The following IL7 variants were observed in gnomAD, a reference collection of about 807,000 sequenced individuals.
The protein encoded by IL7 is interleukin-7.
IL7 carries 3 observed loss-of-function variants against 21.6 expected under a neutral mutation model. The ratio of observed to expected loss-of-function variants is 0.14; its 90% CI spans 0.06 to 0.36. The LOEUF (loss-of-function observed/expected upper bound fraction) is 0.36, where lower values mean the gene tolerates loss of function less well. Among genes scored for constraint, IL7 ranks in the 10% least tolerant of loss-of-function variants. The probability of loss-of-function intolerance (pLI) is 1.00; values close to 1 mark genes in which losing one functional copy is unlikely to be tolerated. For synonymous variants in IL7, 62 were observed against 68.1 expected, an observed-to-expected ratio of 0.91 and a Z score of 0.44; for missense variants, 175 against 200.2, an observed-to-expected ratio of 0.87 and a Z score of 0.76.
intron 3 of IL7, among the ~76,000 whole-genome samples, chr8:78,691,946 A>C (rs1004861948): frequency 1.3e-5 from 2 of 152,274 alleles, no homozygotes; most frequent in South Asian, 4.1e-4. Flanking sequence ...ATGGGGTACA[A>C]AGTGATACCA....
chr8:78,738,512 T>C lies in IL7; in HGVS notation c.352A>G (p.Thr118Ala), dbSNP rs765509762. 1 of 1,613,232 alleles carries C rather than the reference T, an allele frequency of 6.2e-7. No individual in the cohort carries two copies. ...SEGTTILLNCTGQVKGRKPAA... is the reference protein window; with the variant it reads ...SEGTTILLNCAGQVKGRKPAA... ...AATAGTCCTTAGCTTACCTGGCCAG[T>C]GCAGTTCAACAGTATTGTTGTGCCT... The change falls in exon 4 of 6, where the codon ACT becomes GCT. Residue 118 changes from threonine (T) to alanine (A), a missense_variant. Transcript: ENST00000263851.
At chr8:78,740,735 T>A (rs549580746) in intron 2 of IL7, among the ~76,000 whole-genome samples, 1 of 152,348 alleles carries the variant, frequency 6.6e-6, no homozygotes, top group African/African-American at 2.4e-5. Context: ...AGAATTAAGG[T>A]TGAAATTTGT....
At chr8:78,775,773 GGATTTC>G (rs1813112888) in intron 2 of IL7, among the ~76,000 whole-genome samples, 1 of 151,986 alleles carries the variant, frequency 6.6e-6, no homozygotes, top group South Asian at 2.1e-4. Context: ...TGTAGTCCTA[GGATTTC>G]ATAAGGTAAC....
intron 3 of IL7, 110 bp downstream of exon 3, chr8:78,739,892 T>A: frequency 1.0e-6 from 1 of 957,734 alleles, no homozygotes; most frequent in Non-Finnish European, 1.4e-6. Flanking sequence ...AATTATGTGA[T>A]CAGGCTGCAA....
chr8:78,720,177 G>A (rs989385326), intron 5 of IL7, among the ~76,000 whole-genome samples: 1 of 151,762 alleles, frequency 6.6e-6, no homozygotes, highest in Non-Finnish European at 1.5e-5. Context: ...AGACATGTTT[G>A]ATTTTTTTCC....
intron 3 of IL7, among the ~76,000 whole-genome samples, chr8:78,693,677 T>G (rs1452884698): frequency 3.3e-5 from 5 of 152,218 alleles, no homozygotes; most frequent in Non-Finnish European, 7.3e-5. Context: ...TCCCATTCTG[T>G]AGGTTGCCTG....
intron 3 of IL7, among the ~76,000 whole-genome samples, chr8:78,701,964 G>T (rs1185173169): frequency 6.6e-6 from 1 of 152,094 alleles, no homozygotes; most frequent in Non-Finnish European, 1.5e-5. Context: ...CCAGGTTTTG[G>T]TATCAGGGTG....
At chr8:78,707,007 TA>T (rs1023878862) in intron 3 of IL7, among the ~76,000 whole-genome samples, 4 of 152,148 alleles carry the variant, frequency 2.6e-5, no homozygotes, top group African/African-American at 7.2e-5. Context: ...AGTTGAAAAG[TA>T]AAAAAATTTT....
intron 2 of IL7, among the ~76,000 whole-genome samples, chr8:78,775,280 A>G (rs1813095448): frequency 6.6e-6 from 1 of 152,132 alleles, no homozygotes; most frequent in South Asian, 2.1e-4. Context: ...ACACTGCATA[A>G]CTATTGAAAA....
intron 2 of IL7, chr8:78,761,331 T>C (rs1812548575): frequency 6.2e-7 from 1 of 1,611,820 alleles, no homozygotes; most frequent in South Asian, 1.1e-5. Context: ...GCCAACCACA[T>C]ATTTAAGGCA....
chr8:78,675,082 T>C (rs1470748755), downstream of IL7, among the ~76,000 whole-genome samples: 1 of 151,704 alleles, frequency 6.6e-6, no homozygotes, highest in Non-Finnish European at 1.5e-5. Flanking sequence ...TTTCTTTTTT[T>C]TTCTTTTTAG....
intron 2 of IL7, among the ~76,000 whole-genome samples, chr8:78,765,002 A>C (rs981441747): frequency 1.3e-4 from 20 of 152,270 alleles, no homozygotes; most frequent in African/African-American, 4.6e-4. Flanking sequence ...AATGGACCAG[A>C]ATATGAGCTG....
chr8:78,697,327 A>C (rs1195591689), intron 3 of IL7: 3 of 1,149,010 alleles, frequency 2.6e-6, no homozygotes, highest in Non-Finnish European at 3.7e-6. Context: ...AAACCCAAAG[A>C]ATGTTAAGTT....
chr8:78,717,405 C>G (rs1489781720), downstream of IL7: 2 of 1,612,020 alleles, frequency 1.2e-6, no homozygotes, highest in African/African-American at 1.3e-5. Context: ...GGAAACTTAC[C>G]AAAATTCTGC....
intron 1 of IL7, among the ~76,000 whole-genome samples, chr8:78,800,899 T>G (rs1814034872): frequency 6.6e-6 from 1 of 152,210 alleles, no homozygotes; most frequent in Non-Finnish European, 1.5e-5. Context: ...AGGTCCACCT[T>G]TTGTTTTAAT....
At chr8:78,797,582 C>T (rs2130843855) in intron 2 of IL7, among the ~76,000 whole-genome samples, 1 of 151,924 alleles carries the variant, frequency 6.6e-6, no homozygotes, top group East Asian at 1.9e-4. Flanking sequence ...AAGCTTTAAC[C>T]ATCAAAAATA....
chr8:78,727,590 T>C (rs928628676), intron 3 of IL7, among the ~76,000 whole-genome samples: 1 of 152,064 alleles, frequency 6.6e-6, no homozygotes, highest in African/African-American at 2.4e-5. Flanking sequence ...TTATGACTAT[T>C]AATTTAGTGC....
chr8:78,723,092 A>AATATATATATATATATATATATATAT (rs71264200), intron 3 of IL7, among the ~76,000 whole-genome samples: 2 of 140,494 alleles, frequency 1.4e-5, no homozygotes, highest in Non-Finnish European at 1.5e-5. Flanking sequence ...TAGAAGTACA[A>AATATATATATATATATATATATATAT]ATATATATAT....
intron 2 of IL7, chr8:78,797,732 C>T (rs986456937): frequency 1.7e-5 from 3 of 173,834 alleles, no homozygotes; most frequent in African/African-American, 7.1e-5. Flanking sequence ...GTTATTTTCC[C>T]ACTCTTAATG....
Sources: allele counts gnomAD v4.1 joint callset (sites outside exome capture counted in the v4.1 genomes callset), GRCh38; gene constraint gnomAD v4.1.1; transcripts MANE v1.5; gene names NCBI Gene and HGNC (gene_info 2026-07-23, HGNC 2026-07-21).